PALLD: variants seen among roughly 807,000 people sequenced by gnomAD.
PALLD encodes the protein palladin, cytoskeletal associated protein.
A neutral mutation model predicts 123.5 loss-of-function variants in PALLD; 61 were observed. The ratio of observed to expected loss-of-function variants is 0.49; its 90% confidence interval spans 0.40 to 0.61. The LOEUF (loss-of-function observed/expected upper bound fraction) is 0.61. Among genes scored for constraint, PALLD ranks in the 20% least tolerant of loss-of-function variants. The pLI, the probability that PALLD is intolerant of heterozygous loss-of-function variation, is 0.00. For synonymous variants in PALLD, 465 were observed against 496.4 expected, an observed-to-expected ratio of 0.94 and a Z score of 0.84; for missense variants, 1,273 against 1,377.0, an observed-to-expected ratio of 0.92 and a Z score of 1.20.
intron 10 of PALLD, among the ~76,000 whole-genome samples, chr4:168,866,607 TAG>T (rs1370614140): frequency 2.6e-5 from 4 of 152,328 alleles, no homozygotes; most frequent in Admixed American, 2.6e-4. Context: ...GTTTGTTTAG[TAG>T]AGACCAACCA....
chr4:168,528,530 C>G (rs1764287733), intron 2 of PALLD, among the ~76,000 whole-genome samples: 1 of 152,204 alleles, frequency 6.6e-6, no homozygotes, highest in Non-Finnish European at 1.5e-5. Context: ...TATATACTGT[C>G]TCTCATCCAG....
At chr4:168,638,568 C>A (rs1776578662) in intron 2 of PALLD, among the ~76,000 whole-genome samples, 1 of 152,216 alleles carries the variant, frequency 6.6e-6, no homozygotes, top group Non-Finnish European at 1.5e-5. Flanking sequence ...ACATTATAAA[C>A]AACAGAGGTT....
intron 15 of PALLD, among the ~76,000 whole-genome samples, chr4:168,910,425 T>G (rs1031235611): frequency 2.0e-5 from 3 of 152,136 alleles, no homozygotes; most frequent in African/African-American, 4.8e-5. Context: ...CCACATAGTC[T>G]GCCTCCTGTG....
chr4:168,921,735 G>A lies in PALLD; in HGVS notation c.3052G>A (p.Val1018Ile), dbSNP rs764754301. Reference protein sequence around the residue: ...GQNSFSLELVVAAKEAHKPPV... With the variant: ...GQNSFSLELVIAAKEAHKPPV... The stretch of plus-strand genomic sequence containing the variant: ...GAACTCATTCAGCCTGGAGCTTGTG[G>A]TTGCTGGTAGGCTCATCTGTGAATC... Residue 1018 changes from valine to isoleucine, a missense_variant, in exon 18 of 22, where the codon GTT becomes ATT. By Grantham distance (29) the Val-to-Ile change is conservative (BLOSUM62 3). This residue lies in a region of PALLD where 329 missense variants were observed against 422.5 expected (regional missense o/e 0.78). Transcript: ENST00000505667. The A allele has an allele frequency of 7.5e-6, 12 of 1,610,684 alleles. No homozygotes were observed. Among genetic ancestry groups the A allele is most frequent in the Admixed American group, 3.3e-5 (2 of 59,884 alleles).
chr4:168,561,349 C>A (rs1358022010), intron 2 of PALLD, among the ~76,000 whole-genome samples: 1 of 152,232 alleles, frequency 6.6e-6, no homozygotes, highest in Non-Finnish European at 1.5e-5. Context: ...GTAGCCTCCA[C>A]GTTCTAGGGT....
chr4:168,656,609 G>GT (rs1778599014), intron 2 of PALLD, among the ~76,000 whole-genome samples: 1 of 152,154 alleles, frequency 6.6e-6, no homozygotes, highest in Admixed American at 6.5e-5. Context: ...ACCCGAAACA[G>GT]TTATTATTTA....
intron 2 of PALLD, among the ~76,000 whole-genome samples, chr4:168,605,254 A>T (rs1250332412): frequency 9.3e-5 from 2 of 21,592 alleles, no homozygotes; most frequent in African/African-American, 1.2e-3. Flanking sequence ...TTGGGGGATT[A>T]AAAAAAAAAA....
At chr4:168,849,731 T>G (rs1373147043) in intron 10 of PALLD, among the ~76,000 whole-genome samples, 7 of 143,214 alleles carry the variant, frequency 4.9e-5, no homozygotes, top group Non-Finnish European at 1.1e-4. Context: ...TCATTACAGG[T>G]ATTATTATCC....
At chr4:168,607,634 T>C (rs781483441) in intron 2 of PALLD, among the ~76,000 whole-genome samples, 8 of 152,136 alleles carry the variant, frequency 5.3e-5, no homozygotes, top group African/African-American at 9.7e-5. Context: ...CATTTAACAA[T>C]TGAGGAAAGA....
intron 10 of PALLD, among the ~76,000 whole-genome samples, chr4:168,860,020 A>G (rs1479844782): frequency 6.6e-6 from 1 of 152,180 alleles, no homozygotes; most frequent in Admixed American, 6.5e-5. Context: ...CTGACTAACC[A>G]CTGTTCAAGC....
intron 10 of PALLD, among the ~76,000 whole-genome samples, chr4:168,769,013 G>C (rs1396764670): frequency 1.3e-5 from 2 of 152,230 alleles, no homozygotes; most frequent in African/African-American, 4.8e-5. Context: ...TATTTTAGTA[G>C]AGACGGGATT....
intron 10 of PALLD, among the ~76,000 whole-genome samples, chr4:168,798,855 A>C (rs562208841): frequency 9.2e-5 from 14 of 152,346 alleles, no homozygotes; most frequent in African/African-American, 3.1e-4. Flanking sequence ...TTCATAGTTA[A>C]TTCTTTGTAC....
intron 2 of PALLD, among the ~76,000 whole-genome samples, chr4:168,559,963 G>A (rs886497756): frequency 1.3e-5 from 2 of 152,038 alleles, no homozygotes; most frequent in African/African-American, 4.8e-5. Flanking sequence ...ATATAAACCA[G>A]TGAATTTTAC....
intron 2 of PALLD, among the ~76,000 whole-genome samples, chr4:168,546,757 A>T (rs1423523857): frequency 2.0e-5 from 3 of 152,186 alleles, no homozygotes; most frequent in African/African-American, 7.2e-5. Context: ...ACTAAGCGCA[A>T]ATTCCAAATG....
At chr4:168,536,403 T>C (rs1219471478) in intron 2 of PALLD, 3 of 152,220 alleles carry the variant, frequency 2.0e-5, no homozygotes, top group Admixed American at 2.0e-4. Flanking sequence ...ATTACCATCC[T>C]GGGATTACCT....
At chr4:168,791,866 C>T (rs139854144) in intron 10 of PALLD, among the ~76,000 whole-genome samples, 3 of 152,086 alleles carry the variant, frequency 2.0e-5, no homozygotes, top group East Asian at 1.9e-4. Flanking sequence ...CTTTATGTCT[C>T]CAAATAAGTA....
intron 2 of PALLD, among the ~76,000 whole-genome samples, chr4:168,601,921 G>A (rs1772701215): frequency 6.6e-6 from 1 of 151,904 alleles, no homozygotes; most frequent in African/African-American, 2.4e-5. Flanking sequence ...CCTCTATTTG[G>A]TGTTTCATGG....
chr4:168,860,592 G>A (rs1749317967), intron 10 of PALLD, among the ~76,000 whole-genome samples: 1 of 152,226 alleles, frequency 6.6e-6, no homozygotes, highest in Non-Finnish European at 1.5e-5. Context: ...GGAGGCCGAG[G>A]TGGGCAGATC....
chr4:168,556,795 C>T (rs763101961), intron 2 of PALLD, among the ~76,000 whole-genome samples: 3 of 152,188 alleles, frequency 2.0e-5, no homozygotes, highest in Non-Finnish European at 4.4e-5. Context: ...AAGTGTCACA[C>T]CTTGGGGCTG....
Sources: allele counts gnomAD v4.1 joint callset (sites outside exome capture counted in the v4.1 genomes callset), GRCh38; gene constraint gnomAD v4.1.1; regional missense constraint gnomAD v4.1.1; transcripts MANE v1.5; gene names NCBI Gene and HGNC (gene_info 2026-07-23, HGNC 2026-07-21).